The following PGAP1 variants were observed in gnomAD, a reference collection of about 807,000 sequenced individuals.
The protein encoded by PGAP1 is GPI inositol-deacylase.
In PGAP1, 76 loss-of-function variants were observed where a neutral mutation model predicts 127.0. The observed-to-expected ratio is 0.60, with a 90% confidence interval of 0.50 to 0.72. The LOEUF is 0.72. Ranked by LOEUF, PGAP1 falls within the 30% of genes least tolerant of loss-of-function variation. The pLI is 0.00. For missense variants in PGAP1, 982 were observed against 1,071.3 expected, an observed-to-expected ratio of 0.92 and a Z score of 1.16; for synonymous variants, 362 against 366.5, an observed-to-expected ratio of 0.99 and a Z score of 0.14.
rs145600035 is a variant in PGAP1, at chr2:196,843,992, G to A, written c.2421C>T (p.Asn807=). The change falls in exon 25 of 27, where the codon AAC becomes AAT. Residue 807 remains asparagine (N), a synonymous_variant. Transcript: ENST00000354764. ...SSIHHLRLSA[N]DAEDSLRMHS... is the part of the protein sequence containing the mutation. ...GCATGCGAAGGCTATCTTCAGCATC[G>A]TTGGCAGATAAACGAAGATGGTGTA... is the stretch of plus-strand genomic sequence containing the variant. The A allele has an allele frequency of 5.7e-5, 91 of 1,607,488 alleles. No homozygotes were observed. In the East Asian group the frequency reaches 1.5e-3, roughly 27 times the overall value.
At chr2:196,879,370 C>G (rs1223458777) in intron 13 of PGAP1, among the ~76,000 whole-genome samples, 1 of 152,062 alleles carries the variant, frequency 6.6e-6, no homozygotes, top group Admixed American at 6.5e-5. Flanking sequence ...ATTTCTCTCC[C>G]CCTTCCCAAT....
At chr2:196,850,469 C>T (rs941830552) in intron 20 of PGAP1, among the ~76,000 whole-genome samples, 5 of 152,108 alleles carry the variant, frequency 3.3e-5, no homozygotes, top group African/African-American at 1.2e-4. Context: ...CTTCAAGTGC[C>T]AGGGTATAAA....
intron 20 of PGAP1, among the ~76,000 whole-genome samples, chr2:196,851,818 C>T (rs992694360): frequency 2.6e-5 from 4 of 152,172 alleles, no homozygotes; most frequent in Non-Finnish European, 5.9e-5. Flanking sequence ...CCTGGGATGA[C>T]AGAAGACCTT....
At chr2:196,920,239 G>A (rs966779427) in intron 1 of PGAP1, 89 bp from the exon 2 acceptor site, 43 of 1,118,042 alleles carry the variant, frequency 3.8e-5, no homozygotes, top group Non-Finnish European at 5.3e-5. Flanking sequence ...ACGCAAATTT[G>A]AAATAGTGCA....
intron 5 of PGAP1, among the ~76,000 whole-genome samples, chr2:196,900,637 C>T (rs1204938478): frequency 2.0e-5 from 3 of 152,098 alleles, no homozygotes; most frequent in African/African-American, 4.8e-5. Context: ...GAAAGCAACA[C>T]ATTATCAGCT....
At chr2:196,868,875 A>C (rs931490235) in intron 19 of PGAP1, among the ~76,000 whole-genome samples, 1 of 152,202 alleles carries the variant, frequency 6.6e-6, no homozygotes, top group African/African-American at 2.4e-5. Flanking sequence ...TACAACTTTC[A>C]TTCATTCTCT....
At chr2:196,912,655 A>G (rs1477371468) in intron 4 of PGAP1, among the ~76,000 whole-genome samples, 1 of 151,420 alleles carries the variant, frequency 6.6e-6, no homozygotes, top group African/African-American at 2.4e-5. Context: ...CATGTCAACC[A>G]TGTTAAGATG....
intron 18 of PGAP1, among the ~76,000 whole-genome samples, chr2:196,871,568 T>C (rs1033166765): frequency 1.3e-5 from 2 of 152,102 alleles, no homozygotes; most frequent in African/African-American, 2.4e-5. Context: ...ACATGCAAAT[T>C]AAAAACTACT....
chr2:196,880,215 A>C (rs1225470256), intron 12 of PGAP1, 62 bp from the exon 13 acceptor site: 2 of 989,372 alleles, frequency 2.0e-6, no homozygotes, highest in Non-Finnish European at 2.9e-6. Context: ...TTTAAAGAAA[A>C]ATAAATAACA....
At chr2:196,925,482 C>T (rs979840890) in intron 1 of PGAP1, among the ~76,000 whole-genome samples, 1 of 152,118 alleles carries the variant, frequency 6.6e-6, no homozygotes, top group Admixed American at 6.5e-5. Context: ...TTAAGAGATG[C>T]ACTTAGAAAT....
rs985434815 is a variant in PGAP1 at position 196,839,781 on chromosome 2, C to T, written c.*1453G>A. The T allele has an allele frequency of 6.6e-6, 1 of 152,212 alleles. No homozygotes were observed. Among genetic ancestry groups the T allele is most frequent in the Non-Finnish European group, 1.5e-5 (1 of 68,050 alleles). 9.4% of individuals were successfully genotyped at this position (152,212 alleles called of 1,614,324 possible). A position where few individuals can be genotyped will look rare whatever the true frequency, so the allele number is the denominator to read the frequency against. ...ACAGCTGAGAGGCTGTAATGGAATC[C>T]AGATGCAATGGCAGATAAAATAAAA... On this transcript the variant is annotated 3_prime_UTR_variant, in exon 27 of 27. Coordinates refer to ENST00000354764, the MANE Select transcript of PGAP1 (RefSeq NM_024989.4).
At chr2:196,866,105 A>T (rs951704744) in intron 19 of PGAP1, among the ~76,000 whole-genome samples, 3 of 152,232 alleles carry the variant, frequency 2.0e-5, no homozygotes, top group Non-Finnish European at 4.4e-5. Context: ...CTTTCTTCAC[A>T]GAATTAGAAA....
intron 14 of PGAP1, among the ~76,000 whole-genome samples, chr2:196,874,639 G>A (rs766333761): frequency 2.6e-5 from 4 of 152,244 alleles, no homozygotes; most frequent in Admixed American, 1.3e-4. Context: ...TCAGTATCAC[G>A]TATACTCAAT....
chr2:196,872,383 A>G, intron 18 of PGAP1, 58 bp downstream of exon 18: 3 of 1,212,274 alleles, frequency 2.5e-6, no homozygotes, highest in Admixed American at 2.0e-5. Flanking sequence ...ATATAAAAAG[A>G]ACATTTCTAG....
rs1343650065 is a variant in PGAP1 at position 196,840,345 on chromosome 2, C to G, written c.*889G>C. 1 of 151,992 alleles carries G rather than the reference C, an allele frequency of 6.6e-6. No homozygotes were observed. Among genetic ancestry groups the G allele is most frequent in the African/African-American group, 2.4e-5 (1 of 41,370 alleles). The allele number at this position is 151,992 out of a possible 1,614,324, so 9.4% of individuals were successfully genotyped here. ...AAAAAATGGTACAAACCTAGAGTTT[C>G]CAACCACTGGAATTTAGTTATTTTA... On this transcript the variant is annotated 3_prime_UTR_variant, in exon 27 of 27. Transcript: ENST00000354764.
At position 196,873,744 on chromosome 2, in the gene PGAP1, T is replaced by C. The variant is rs1701476067; in HGVS notation, c.1441A>G (p.Lys481Glu). 1.9e-6 allele frequency: 3 copies of C among 1,610,488 alleles called. No homozygotes were observed. The highest frequency in any genetic ancestry group is 1.3e-5 in the African/African-American group (1 of 74,982). Residue 481 changes from lysine to glutamate, a missense_variant, in exon 15 of 27, where the codon AAA (lysine) becomes GAA (glutamate). Lys to Glu is a moderately conservative substitution (Grantham distance 56). Coordinates refer to ENST00000354764, the MANE Select transcript of PGAP1 (RefSeq NM_024989.4). ...AGGCCATTTGTATTTAACACCACTT[T>C]CCTTGAAGACAATCCTGTTGAATTC... ...HLFSFGLSSR[K>E]VVLNTNGLYY...
At chr2:196,893,308 T>C (rs1024503682) in intron 7 of PGAP1, 63 bp from the exon 8 acceptor site, 2 of 899,136 alleles carry the variant, frequency 2.2e-6, no homozygotes, top group Non-Finnish European at 3.6e-6. Flanking sequence ...TGATGAAACA[T>C]TGCTTCAGTA....
chr2:196,896,744 G>T (rs528458572), intron 7 of PGAP1, among the ~76,000 whole-genome samples: 1 of 148,162 alleles, frequency 6.7e-6, no homozygotes, highest in East Asian at 2.0e-4. Context: ...TGGGAGGATC[G>T]CTTGAACCTG....
chr2:196,905,193 G>C (rs1158985786), intron 4 of PGAP1, among the ~76,000 whole-genome samples: 2 of 152,090 alleles, frequency 1.3e-5, no homozygotes, highest in Non-Finnish European at 2.9e-5. Flanking sequence ...AAATATCTTT[G>C]AGTCATTCTA....
Sources: allele counts gnomAD v4.1 joint callset (sites outside exome capture counted in the v4.1 genomes callset), GRCh38; gene constraint gnomAD v4.1.1; transcripts MANE v1.5; gene names NCBI Gene and HGNC (gene_info 2026-07-23, HGNC 2026-07-21).